Variants in DLGAP4 observed in about 807,000 individuals in gnomAD.
DLGAP4 encodes the protein disks large-associated protein 4.
DLGAP4 carries 18 observed loss-of-function variants against 86.9 expected under a neutral mutation model. The observed-to-expected ratio is 0.21, with a 90% CI of 0.14 to 0.31. The LOEUF is 0.31. DLGAP4 is among the 10% of genes least tolerant of loss of function. The probability of loss-of-function intolerance (pLI) is 1.00; values close to 1 mark genes in which losing one functional copy is unlikely to be tolerated. For missense variants in DLGAP4, 1,085 were observed against 1,362.6 expected (o/e 0.80, Z 3.21); for synonymous variants, 548 against 574.3 (o/e 0.95, Z 0.65).
At position 36,436,320 on chromosome 20, in the gene DLGAP4, A is replaced by G. The variant is rs2033274546; in HGVS notation, c.1211A>G (p.Gln404Arg). ...RRQSYLRATQ[Q>R]SLGEQSNPRR... The stretch of plus-strand genomic sequence containing the variant: ...CAGAGCTATCTGAGGGCCACGCAGC[A>G]GTCGCTGGGAGAGCAGAGCAACCCC... The change falls in exon 4 of 13, where the codon CAG (glutamine) becomes CGG (arginine). Residue 404 changes from glutamine (Q) to arginine (R), a missense_variant. Gln to Arg is a conservative substitution (Grantham distance 43). Around this residue, in one of 2 missense-constraint regions of DLGAP4, gnomAD observed 1,082 missense variants for 1,344.1 expected, o/e 0.81. Transcript: ENST00000339266. The G allele has an allele frequency of 1.9e-6, 3 of 1,601,528 alleles. No homozygotes were observed. Among genetic ancestry groups the G allele is most frequent in the Non-Finnish European group, 2.5e-6 (3 of 1,177,866 alleles).
intron 7 of DLGAP4, among the ~76,000 whole-genome samples, chr20:36,458,083 GT>G (rs1279476176): frequency 6.6e-6 from 1 of 152,130 alleles, no homozygotes; most frequent in African/African-American, 2.4e-5. Flanking sequence ...AAGAGGTGAG[GT>G]TCGAGGACAG....
intron 2 of DLGAP4, among the ~76,000 whole-genome samples, chr20:36,397,330 G>A (rs1045121642): frequency 6.6e-6 from 1 of 152,154 alleles, no homozygotes. Flanking sequence ...ACGAAATAGC[G>A]AGAAACCAAA....
At chr20:36,434,620 T>C (rs1408693818) in intron 3 of DLGAP4, among the ~76,000 whole-genome samples, 2 of 152,180 alleles carry the variant, frequency 1.3e-5, no homozygotes, top group African/African-American at 4.8e-5. Context: ...CAAGGCCATG[T>C]TCCCAAGGGA....
At chr20:36,338,488 C>G (rs1437949021) in intron 1 of DLGAP4, among the ~76,000 whole-genome samples, 2 of 152,240 alleles carry the variant, frequency 1.3e-5, no homozygotes, top group Non-Finnish European at 2.9e-5. Flanking sequence ...AGGAGAATTG[C>G]TTGAACCCGG....
chr20:36,438,743 C>G (rs1164043284), intron 4 of DLGAP4, among the ~76,000 whole-genome samples: 1 of 124,088 alleles, frequency 8.1e-6, no homozygotes, highest in African/African-American at 3.0e-5. Flanking sequence ...GAGTCTTGCT[C>G]TGTCGCCCAG....
intron 10 of DLGAP4, among the ~76,000 whole-genome samples, chr20:36,519,282 A>G (rs143711803): frequency 6.6e-6 from 1 of 152,296 alleles, no homozygotes; most frequent in Admixed American, 6.5e-5. Flanking sequence ...CCTATCTCAA[A>G]AACAAAACAC....
chr20:36,382,533 T>A (rs544043125), intron 2 of DLGAP4, among the ~76,000 whole-genome samples: 1 of 137,004 alleles, frequency 7.3e-6, no homozygotes, highest in East Asian at 2.0e-4. Flanking sequence ...TTTTCTTTTT[T>A]TTTTTTTTTT....
intron 8 of DLGAP4, chr20:36,498,050 ACAGG>A (rs1461384482): frequency 6.6e-6 from 1 of 152,258 alleles, no homozygotes; most frequent in Non-Finnish European, 1.5e-5. Flanking sequence ...GTGTTGTGGC[ACAGG>A]CTGCAAGGGA....
intron 7 of DLGAP4, 120 bp downstream of exon 7, chr20:36,447,057 G>A: frequency 1.4e-6 from 2 of 1,455,398 alleles, no homozygotes; most frequent in Non-Finnish European, 1.8e-6. Context: ...GCCCGCACCA[G>A]GGGGATGGTT....
intron 7 of DLGAP4, among the ~76,000 whole-genome samples, chr20:36,448,982 A>G (rs1246701773): frequency 6.6e-6 from 1 of 152,078 alleles, no homozygotes; most frequent in Non-Finnish European, 1.5e-5. Context: ...GAAGAGAGGC[A>G]CTGCTTCAAG....
intron 2 of DLGAP4, among the ~76,000 whole-genome samples, chr20:36,429,113 T>C (rs1236622709): frequency 1.3e-5 from 2 of 152,234 alleles, no homozygotes; most frequent in Non-Finnish European, 2.9e-5. Context: ...AGAGTCTCAC[T>C]CTGTTGCCCA....
At position 36,436,156 on chromosome 20, in the gene DLGAP4, C is replaced by G; in HGVS notation, c.1047C>G (p.Arg349=). The G allele has an allele frequency of 4.4e-6, 7 of 1,595,632 alleles. No homozygotes were observed. The highest frequency in any genetic ancestry group is 1.3e-5 in the African/African-American group (1 of 74,870). Residue 349 remains arginine, a synonymous_variant, in exon 4 of 13, where the codon CGC becomes CGG. Transcript: ENST00000339266. The part of the protein sequence containing the change: ...GEWSTTLLSP[R]ETDAAAEGPI... ...GGAGCACCACGCTGCTGTCCCCACG[C>G]GAGACGGATGCCGCGGCCGAGGGCC... is the stretch of plus-strand genomic sequence containing the variant.
At chr20:36,509,095 T>G (rs1037993506) in intron 10 of DLGAP4, among the ~76,000 whole-genome samples, 15 of 152,264 alleles carry the variant, frequency 9.9e-5, no homozygotes, top group Admixed American at 1.3e-4. Context: ...GAATTACTTG[T>G]ATACTCTATT....
chr20:36,464,014 C>T (rs991402833), intron 7 of DLGAP4, among the ~76,000 whole-genome samples: 6 of 152,208 alleles, frequency 3.9e-5, no homozygotes, highest in African/African-American at 1.4e-4. Context: ...TCACCTGCCC[C>T]TGGTGTATAA....
intron 1 of DLGAP4, among the ~76,000 whole-genome samples, chr20:36,335,418 A>G (rs2065311490): frequency 6.6e-6 from 1 of 152,198 alleles, no homozygotes; most frequent in African/African-American, 2.4e-5. Context: ...TCATCTATAA[A>G]ATGGGAGTGC....
chr20:36,343,623 C>A (rs548041193), intron 1 of DLGAP4, among the ~76,000 whole-genome samples: 1 of 152,196 alleles, frequency 6.6e-6, no homozygotes, highest in Non-Finnish European at 1.5e-5. Context: ...CCAGGTACCC[C>A]CCCCCAACCC....
At chr20:36,382,527 C>CTTTT (rs749210064) in intron 2 of DLGAP4, among the ~76,000 whole-genome samples, 18 of 110,468 alleles carry the variant, frequency 1.6e-4, no homozygotes, top group African/African-American at 2.2e-4. Flanking sequence ...TTCTTTTTTT[C>CTTTT]TTTTTTTTTT....
chr20:36,478,817 C>T (rs1279634406), intron 7 of DLGAP4, among the ~76,000 whole-genome samples: 1 of 152,212 alleles, frequency 6.6e-6, no homozygotes, highest in Non-Finnish European at 1.5e-5. Context: ...GAGCCTTCAA[C>T]CTCTCTGAGC....
chr20:36,525,274 G>A (rs1364617271), intron 11 of DLGAP4, among the ~76,000 whole-genome samples: 1 of 140,740 alleles, frequency 7.1e-6, no homozygotes, highest in Non-Finnish European at 1.5e-5. Flanking sequence ...CCCACTGCTG[G>A]GATTGGTGGC....
Sources: gnomAD v4.1 joint callset for allele counts (sites outside exome capture counted in the v4.1 genomes callset) on GRCh38, gnomAD v4.1.1 for gene constraint, gnomAD v4.1.1 regional missense constraint, MANE v1.5 for transcripts, NCBI Gene and HGNC (gene_info 2026-07-23, HGNC 2026-07-21) for gene names.